FARP1: variants seen among roughly 807,000 people sequenced by gnomAD.
The protein encoded by FARP1 is FERM, ARH/RhoGEF and pleckstrin domain protein 1.
Under a neutral mutation model 128.8 loss-of-function variants are expected in FARP1, and 52 were observed. The observed-to-expected ratio is 0.40, with a 90% confidence interval of 0.32 to 0.51. FARP1 has a LOEUF of 0.51. Among genes scored for constraint, FARP1 ranks in the 20% least tolerant of loss-of-function variants. FARP1 has a pLI of 0.45. For synonymous variants in FARP1, 580 were observed against 551.8 expected, an observed-to-expected ratio of 1.05 and a Z score of -0.72; for missense variants, 1,333 against 1,367.9, an observed-to-expected ratio of 0.97 and a Z score of 0.40.
intron 2 of FARP1, among the ~76,000 whole-genome samples, chr13:98,285,154 A>T (rs1267404838): frequency 1.3e-5 from 2 of 152,224 alleles, no homozygotes; most frequent in Non-Finnish European, 2.9e-5. Context: ...TCTAGATTGT[A>T]ACAATGTGCA....
chr13:98,249,994 A>G (rs1323444321), intron 2 of FARP1, among the ~76,000 whole-genome samples: 3 of 152,228 alleles, frequency 2.0e-5, no homozygotes, highest in Admixed American at 6.5e-5. Context: ...TTAAGTTTTC[A>G]ATCTTTTAAG....
intron 3 of FARP1, among the ~76,000 whole-genome samples, chr13:98,351,641 A>G (rs531045201): frequency 2.6e-5 from 4 of 152,104 alleles, no homozygotes; most frequent in African/African-American, 9.6e-5. Flanking sequence ...GAAAAAAAGA[A>G]AAGAGGTTTA....
At position 98,446,123 on chromosome 13, in the gene FARP1, G is replaced by A; in HGVS notation, c.2822G>A (p.Arg941Lys). Reference protein sequence around the residue: ...VENQLSGNLLRKFKNSNGWQK... With the variant: ...VENQLSGNLLKKFKNSNGWQK... ...AATCAGTTGTCTGGAAACCTGCTGA[G>A]GAAATTCAAAAACAGCAACGGGTGG... is the stretch of plus-strand genomic sequence containing the variant. The change falls in exon 25 of 27, where the codon AGG becomes AAG. Residue 941 changes from arginine (R) to lysine (K), a missense_variant. Coordinates refer to ENST00000319562, the MANE Select transcript of FARP1 (RefSeq NM_005766.4). The A allele has an allele frequency of 1.2e-6, 2 of 1,614,020 alleles. No homozygotes were observed. The highest frequency in any genetic ancestry group is 1.7e-6 in the Non-Finnish European group (2 of 1,179,870).
chr13:98,440,651 C>T lies in FARP1; in HGVS notation c.2630-19C>T, dbSNP rs1164022550. 1 of 1,599,182 alleles carries T rather than the reference C, an allele frequency of 6.3e-7. No homozygotes were observed. The highest frequency in any genetic ancestry group is 1.3e-5 in the African/African-American group (1 of 74,356). On this transcript the variant is annotated intron_variant, in intron 23 of 26. Coordinates refer to ENST00000319562, the MANE Select transcript of FARP1 (RefSeq NM_005766.4). ...TGGGAGGAAAGATCAGAAGTGCTGC[C>T]TTTTGCCCCATCCTGTAGAGTCCCC...
At chr13:98,207,080 C>T (rs568811432) in intron 1 of FARP1, among the ~76,000 whole-genome samples, 3 of 152,190 alleles carry the variant, frequency 2.0e-5, no homozygotes, top group Non-Finnish European at 4.4e-5. Flanking sequence ...GACTTGCCAG[C>T]GTTCCTGAGA....
chr13:98,182,550 C>T (rs1878607750), intron 1 of FARP1, among the ~76,000 whole-genome samples: 1 of 152,154 alleles, frequency 6.6e-6, no homozygotes, highest in Non-Finnish European at 1.5e-5. Flanking sequence ...TGGTCTCAAA[C>T]TCCCGGGCTT....
chr13:98,256,193 A>T (rs930753863), intron 2 of FARP1, among the ~76,000 whole-genome samples: 3 of 152,238 alleles, frequency 2.0e-5, no homozygotes, highest in Non-Finnish European at 4.4e-5. Flanking sequence ...CATTCTATAC[A>T]GGTATTAAAA....
At chr13:98,442,734 T>C (rs118015615) in intron 24 of FARP1, among the ~76,000 whole-genome samples, 19 of 152,336 alleles carry the variant, frequency 1.2e-4, no homozygotes, top group South Asian at 2.1e-4. Context: ...GAACCCGTGA[T>C]AGGCTCATGG....
At chr13:98,401,108 C>T (rs1185501291) in intron 13 of FARP1, 2 of 152,038 alleles carry the variant, frequency 1.3e-5, no homozygotes, top group Admixed American at 6.5e-5. Context: ...TATATTGGCT[C>T]TCTGTTAGCC....
At chr13:98,178,252 G>A (rs1878246294) in intron 1 of FARP1, among the ~76,000 whole-genome samples, 1 of 137,630 alleles carries the variant, frequency 7.3e-6, no homozygotes, top group Admixed American at 8.0e-5. Context: ...CTGGAGTGCA[G>A]TTACATGATC....
chr13:98,247,597 C>T (rs759761137), intron 2 of FARP1, among the ~76,000 whole-genome samples: 1 of 152,192 alleles, frequency 6.6e-6, no homozygotes, highest in African/African-American at 2.4e-5. Flanking sequence ...ATACAACAGA[C>T]AGTGAGCTCA....
intron 3 of FARP1, among the ~76,000 whole-genome samples, chr13:98,361,008 G>A (rs1323701966): frequency 6.6e-6 from 1 of 152,194 alleles, no homozygotes; most frequent in Non-Finnish European, 1.5e-5. Context: ...GGGAAAAAGT[G>A]ACTAGCCCAG....
At chr13:98,309,258 C>G (rs1221999414) in intron 2 of FARP1, among the ~76,000 whole-genome samples, 1 of 137,456 alleles carries the variant, frequency 7.3e-6, no homozygotes, top group African/African-American at 2.7e-5. Flanking sequence ...GCTCCGCCTC[C>G]CGGGTTCACG....
chr13:98,289,699 G>A (rs1450863960), intron 2 of FARP1, among the ~76,000 whole-genome samples: 1 of 152,156 alleles, frequency 6.6e-6, no homozygotes, highest in Non-Finnish European at 1.5e-5. Context: ...ACTGTGCACT[G>A]CATGCTATTT....
intron 1 of FARP1, chr13:98,177,779 A>G (rs1484928916): frequency 1.3e-5 from 2 of 151,076 alleles, no homozygotes; most frequent in Admixed American, 1.3e-4. Flanking sequence ...GTGCACACTC[A>G]TTTTTCAACA....
intron 2 of FARP1, among the ~76,000 whole-genome samples, chr13:98,222,887 T>C (rs6491408): frequency 0.62 from 93,495 of 150,668 alleles, 30,611 homozygotes; most frequent in African/African-American, 0.84. Flanking sequence ...CCGGCTGCCT[T>C]GGCCTCCTAA....
intron 2 of FARP1, among the ~76,000 whole-genome samples, chr13:98,272,457 C>T (rs368380464): frequency 2.0e-5 from 3 of 152,168 alleles, no homozygotes; most frequent in Non-Finnish European, 2.9e-5. Context: ...GGAACCCGTT[C>T]GTGAAATGCA....
chr13:98,443,216 G>A lies in FARP1; in HGVS notation c.2796+2380G>A, dbSNP rs539005564. Reference sequence around the variant, plus strand: ...GCCTGCAAAGCCTGAAATATCTGCCGTCTGCCTTTTGAGGAAAAGTTTGCT... The same window carrying A: ...GCCTGCAAAGCCTGAAATATCTGCCATCTGCCTTTTGAGGAAAAGTTTGCT... On this transcript the variant is annotated intron_variant, in intron 24 of 26. Coordinates refer to ENST00000319562, the MANE Select transcript of FARP1 (RefSeq NM_005766.4). Among the ~76,000 whole-genome samples the A allele has an allele frequency of 9.2e-5, 14 of 152,302 alleles. No homozygotes were observed. The East Asian group carries it at 1.5e-3, about 17-fold the overall frequency.
At chr13:98,342,949 G>T (rs865909400) in intron 2 of FARP1, among the ~76,000 whole-genome samples, 1 of 151,948 alleles carries the variant, frequency 6.6e-6, no homozygotes, top group Admixed American at 6.6e-5. Context: ...AGTTGAACCC[G>T]GGAGGTGGAG....
Sources: allele counts gnomAD v4.1 joint callset (sites outside exome capture counted in the v4.1 genomes callset), GRCh38; gene constraint gnomAD v4.1.1; transcripts MANE v1.5; gene names NCBI Gene and HGNC (gene_info 2026-07-23, HGNC 2026-07-21).